Variants in SNTG1 observed in about 807,000 individuals in gnomAD.
SNTG1 encodes gamma-1-syntrophin.
A neutral mutation model predicts 74.7 loss-of-function variants in SNTG1; 39 were observed. The observed-to-expected ratio is 0.52, with a 90% CI of 0.40 to 0.68. The LOEUF (loss-of-function observed/expected upper bound fraction) is 0.68. SNTG1 is among the 30% of genes least tolerant of loss of function. The pLI is 0.00. For synonymous variants in SNTG1, 254 were observed against 217.1 expected, an observed-to-expected ratio of 1.17 and a Z score of -1.49; for missense variants, 685 against 609.5, an observed-to-expected ratio of 1.12 and a Z score of -1.30.
chr8:50,459,091 G>A (rs1176689933), intron 8 of SNTG1, among the ~76,000 whole-genome samples: 1 of 152,004 alleles, frequency 6.6e-6, no homozygotes, highest in African/African-American at 2.4e-5. Context: ...GTTAACTTTC[G>A]TATACAGTAA....
At chr8:50,775,581 A>G (rs1455111929) in intron 18 of SNTG1, among the ~76,000 whole-genome samples, 1 of 151,600 alleles carries the variant, frequency 6.6e-6, no homozygotes, top group Non-Finnish European at 1.5e-5. Flanking sequence ...CAAATAATGT[A>G]TATTCTATTT....
intron 11 of SNTG1, among the ~76,000 whole-genome samples, 186 bp from the exon 12 acceptor site, chr8:50,552,864 T>C (rs562255197): frequency 3.3e-5 from 5 of 152,194 alleles, no homozygotes; most frequent in Admixed American, 6.6e-5. Flanking sequence ...AAATTGTATG[T>C]CATTTGGGTC....
intron 1 of SNTG1, among the ~76,000 whole-genome samples, chr8:50,153,700 G>A (rs561474404): frequency 1.2e-4 from 18 of 152,152 alleles, no homozygotes; most frequent in Admixed American, 2.6e-4. Context: ...TATCAGCAGC[G>A]GAGGCTGCAG....
At chr8:50,470,681 C>T (rs1391919963) in intron 8 of SNTG1, among the ~76,000 whole-genome samples, 5 of 151,998 alleles carry the variant, frequency 3.3e-5, no homozygotes, top group South Asian at 2.1e-4. Flanking sequence ...CTGGTGGGTT[C>T]GTGGTGTTGC....
In SNTG1 at chr8:50,722,608, G is replaced by A. The variant is rs138351574; in HGVS notation, c.1284+13630G>A. Among the ~76,000 whole-genome samples, 347 of 152,186 alleles carry A rather than the reference G, an allele frequency of 2.3e-3. 15 individuals are homozygous for A. The East Asian group carries it at 0.058, about 25-fold the overall frequency. ...TAGGCAAATTATTCTTCTGCAGAACGTATTTTTCTTTTATATTCTTTAATT... is the reference window on the plus strand; with the variant it reads ...TAGGCAAATTATTCTTCTGCAGAACATATTTTTCTTTTATATTCTTTAATT... On this transcript the variant is annotated intron_variant, in intron 17 of 18. Transcript: ENST00000642720.
chr8:50,032,810 C>T (rs1046774283), intron 1 of SNTG1, among the ~76,000 whole-genome samples: 7 of 152,064 alleles, frequency 4.6e-5, no homozygotes, highest in African/African-American at 1.4e-4. Flanking sequence ...TCATGTTGCT[C>T]ACCTGCTAAA....
chr8:50,128,929 T>A (rs1417316092), intron 1 of SNTG1, among the ~76,000 whole-genome samples: 1 of 152,130 alleles, frequency 6.6e-6, no homozygotes, highest in Non-Finnish European at 1.5e-5. Context: ...TATACATTCA[T>A]GGCTATGTCA....
At chr8:50,000,076 A>G (rs1814605439) in intron 1 of SNTG1, among the ~76,000 whole-genome samples, 1 of 152,116 alleles carries the variant, frequency 6.6e-6, no homozygotes, top group South Asian at 2.1e-4. Context: ...CTGTTCATTC[A>G]TTTAACTTTT....
intron 15 of SNTG1, among the ~76,000 whole-genome samples, chr8:50,688,007 T>C (rs1220721529): frequency 1.3e-5 from 2 of 152,172 alleles, no homozygotes; most frequent in Admixed American, 1.3e-4. Context: ...TGATGGCCAA[T>C]GATGATGAGC....
At chr8:50,008,045 A>G (rs1196032473) in intron 1 of SNTG1, among the ~76,000 whole-genome samples, 1 of 152,026 alleles carries the variant, frequency 6.6e-6, no homozygotes, top group East Asian at 1.9e-4. Flanking sequence ...TCACCCCCTC[A>G]CCGGGTCCCT....
intron 10 of SNTG1, among the ~76,000 whole-genome samples, chr8:50,532,148 G>T (rs2094273828): frequency 6.6e-6 from 1 of 152,018 alleles, no homozygotes. Flanking sequence ...TTAGCACTAG[G>T]ATTGAACATT....
chr8:50,410,420 T>C (rs1199855395), intron 4 of SNTG1, among the ~76,000 whole-genome samples: 1 of 152,226 alleles, frequency 6.6e-6, no homozygotes, highest in African/African-American at 2.4e-5. Flanking sequence ...TGTATGCCAA[T>C]GTTATCATTT....
At chr8:50,426,647 A>T (rs2093167428) in intron 4 of SNTG1, among the ~76,000 whole-genome samples, 1 of 151,956 alleles carries the variant, frequency 6.6e-6, no homozygotes, top group South Asian at 2.1e-4. Context: ...TACTGAAGAA[A>T]GAAAAGTATT....
chr8:50,418,259 A>G (rs1418909108), intron 4 of SNTG1, among the ~76,000 whole-genome samples: 2 of 152,080 alleles, frequency 1.3e-5, no homozygotes, highest in Non-Finnish European at 2.9e-5. Flanking sequence ...TGCTCAATTT[A>G]ATGGATATTT....
At chr8:50,639,999 ATTGTGGAT>A (rs1387099237) in intron 13 of SNTG1, among the ~76,000 whole-genome samples, 23 of 152,284 alleles carry the variant, frequency 1.5e-4, no homozygotes, top group African/African-American at 5.5e-4. Flanking sequence ...AAGTACTATC[ATTGTGGAT>A]TTAAACACAT....
chr8:50,755,265 A>G (rs538723869), intron 18 of SNTG1, among the ~76,000 whole-genome samples: 1 of 150,602 alleles, frequency 6.6e-6, no homozygotes, highest in African/African-American at 2.4e-5. Flanking sequence ...ATTCACCCCT[A>G]TCTTCCCCCC....
chr8:50,534,759 A>G (rs2094295460), intron 10 of SNTG1, among the ~76,000 whole-genome samples: 1 of 152,168 alleles, frequency 6.6e-6, no homozygotes, highest in South Asian at 2.1e-4. Context: ...TAAGTGATAG[A>G]GTGAGACCCT....
intron 2 of SNTG1, among the ~76,000 whole-genome samples, chr8:50,182,309 C>T (rs1177236900): frequency 6.6e-6 from 1 of 152,152 alleles, no homozygotes; most frequent in African/African-American, 2.4e-5. Context: ...GATTGCCCTT[C>T]TCCAAAGTTA....
chr8:50,370,405 C>T (rs538244376), intron 2 of SNTG1, among the ~76,000 whole-genome samples: 6 of 152,226 alleles, frequency 3.9e-5, no homozygotes, highest in East Asian at 3.9e-4. Flanking sequence ...AGAATGGGAA[C>T]GACCCTGTGG....
Sources: gnomAD v4.1 joint callset for allele counts (sites outside exome capture counted in the v4.1 genomes callset) on GRCh38, gnomAD v4.1.1 for gene constraint, MANE v1.5 for transcripts, NCBI Gene and HGNC (gene_info 2026-07-23, HGNC 2026-07-21) for gene names.